CRELD1: variants seen among roughly 807,000 people sequenced by gnomAD.
CRELD1 encodes CRELD disulfide isomerase 1.
Under a neutral mutation model 58.2 loss-of-function variants are expected in CRELD1, and 42 were observed. The observed-to-expected ratio is 0.72, with a 90% CI of 0.56 to 0.93. The LOEUF (loss-of-function observed/expected upper bound fraction) is 0.93, where lower values mean the gene tolerates loss of function less well. CRELD1 is among the 40% of genes least tolerant of loss of function. CRELD1 has a pLI of 0.00. For synonymous variants in CRELD1, 222 were observed against 202.0 expected (o/e 1.10, Z -0.84); for missense variants, 500 against 540.6 (o/e 0.92, Z 0.74).
At chr3:9,934,178 T>A (rs2085091973) in intron 1 of CRELD1, 1 of 548,336 alleles carries the variant, frequency 1.8e-6, no homozygotes. Context: ...TGCCCCCTTG[T>A]CAAGGAGCGA....
chr3:9,935,455 T>C (rs1042462824), intron 3 of CRELD1, among the ~76,000 whole-genome samples: 1 of 152,204 alleles, frequency 6.6e-6, no homozygotes, highest in Admixed American at 6.5e-5. Flanking sequence ...CTGTCTTCTC[T>C]ACACCTTTAA....
At chr3:9,943,755 G>A in intron 10 of CRELD1, 1 of 1,587,976 alleles carries the variant, frequency 6.3e-7, no homozygotes, top group Non-Finnish European at 8.6e-7. Context: ...TCCTTAACCT[G>A]TTTCCTCATC....
At chr3:9,936,070 A>G (rs1397996388) in intron 3 of CRELD1, 1 of 152,230 alleles carries the variant, frequency 6.6e-6, no homozygotes, top group South Asian at 2.1e-4. Context: ...CCAGCTTTTC[A>G]AAGTCAGATG....
chr3:9,934,787 G>A (rs1559334018), intron 2 of CRELD1, 48 bp from the exon 3 acceptor site: 1 of 1,563,854 alleles, frequency 6.4e-7, no homozygotes, highest in South Asian at 1.1e-5. Context: ...TGAAGTGCTA[G>A]CATGTGCCAG....
In CRELD1 at chr3:9,943,334, C is replaced by A. The variant is rs746736174; in HGVS notation, c.914-47C>A. ...AGATGGACAAGATGGAGTCAGGGTG[C>A]TGGGTGGGGGGCCCTAGCAGGACTC... is the stretch of plus-strand genomic sequence containing the variant. On this transcript the variant is annotated intron_variant, in intron 9 of 10. Transcript: ENST00000452070. The A allele has an allele frequency of 2.9e-5, 47 of 1,613,292 alleles. No homozygotes were observed. In the South Asian group the frequency reaches 3.3e-4, roughly 11 times the overall value.
intron 2 of CRELD1, 70 bp from the exon 3 acceptor site, chr3:9,934,765 T>A: frequency 6.5e-7 from 1 of 1,529,110 alleles, no homozygotes; most frequent in Non-Finnish European, 9.0e-7. Context: ...AGTTTCCTAG[T>A]CAGTAGAACA....
rs73118372 is a variant in CRELD1, at chr3:9,943,989, T to G, written c.1049-376T>G. 39 of 1,036,330 alleles carry G rather than the reference T, an allele frequency of 3.8e-5. No homozygotes were observed. In the Admixed American group the frequency reaches 6.6e-4, roughly 17 times the overall value. 64.2% of individuals were successfully genotyped at this position (1,036,330 alleles called of 1,614,324 possible). A position where few individuals can be genotyped will look rare whatever the true frequency, so the allele number is the denominator to read the frequency against. On this transcript the variant is annotated intron_variant, in intron 10 of 10. Coordinates refer to ENST00000452070, the MANE Select transcript of CRELD1 (RefSeq NM_001077415.3). ...CATCCCCACTCTACATATGTAAAAA[T>G]GAAGATGCAGAGAGATGAAGCTACT...
chr3:9,942,387 AC>A (rs1013416860), intron 7 of CRELD1, among the ~76,000 whole-genome samples: 9 of 151,966 alleles, frequency 5.9e-5, no homozygotes, highest in African/African-American at 2.2e-4. Context: ...TCATTCCAGT[AC>A]CCAGATTATT....
intron 5 of CRELD1, among the ~76,000 whole-genome samples, chr3:9,939,511 G>T (rs2085287928): frequency 6.6e-6 from 1 of 152,076 alleles, no homozygotes; most frequent in Admixed American, 6.6e-5. Flanking sequence ...CTGGGTACTT[G>T]AGATCAAGGA....
At position 9,941,116 on chromosome 3, in the gene CRELD1, T is replaced by G; in HGVS notation, c.643T>G (p.Phe215Val). The G allele has an allele frequency of 6.2e-7, 1 of 1,614,190 alleles. No homozygotes were observed. The highest frequency in any genetic ancestry group is 8.5e-7 in the Non-Finnish European group (1 of 1,180,028). The change falls in exon 7 of 11, where the codon TTT (phenylalanine) becomes GTT (valine). Residue 215 changes from phenylalanine to valine, a missense_variant. Coordinates refer to ENST00000452070, the MANE Select transcript of CRELD1 (RefSeq NM_001077415.3). ...NASHLVCSACFGPCARCSGPE... is the reference protein window; with the variant it reads ...NASHLVCSACVGPCARCSGPE... Reference sequence around the variant, plus strand: ...GCTGCCCCCATTCCACCCAGCTTGTTTTGGCCCCTGTGCCCGATGCTCAGG... The same window carrying G: ...GCTGCCCCCATTCCACCCAGCTTGTGTTGGCCCCTGTGCCCGATGCTCAGG...
rs371166779 is a variant in CRELD1 at position 9,943,032 on chromosome 3, G to C, written c.818-45G>C. 1.5e-5 allele frequency: 24 copies of C among 1,592,674 alleles called. No homozygotes were observed. In the African/African-American group the frequency reaches 2.1e-4, roughly 14 times the overall value. On this transcript the variant is annotated intron_variant, in intron 8 of 10. Transcript: ENST00000452070. ...CCGCTTCTGGAGCGTGGCTCCCCTGGGCCTAGGTGCACATCTCACCCTCAT... is the reference window on the plus strand; with the variant it reads ...CCGCTTCTGGAGCGTGGCTCCCCTGCGCCTAGGTGCACATCTCACCCTCAT...
rs2085415102 is a variant in CRELD1, at chr3:9,943,125, G to A, written c.866G>A (p.Cys289Tyr). Residue 289 changes from cysteine (C) to tyrosine (Y), a missense_variant, in exon 9 of 11, where the codon TGT (cysteine) becomes TAT (tyrosine). Coordinates refer to ENST00000452070, the MANE Select transcript of CRELD1 (RefSeq NM_001077415.3). ...TGCATGGGGGCAGGGCCAGGTCGCT[G>A]TAAGAAGTGTAGCCCTGGCTATCAG... ...LGCMGAGPGRCKKCSPGYQQV... is the reference protein window; with the variant it reads ...LGCMGAGPGRYKKCSPGYQQV... 2 of 1,613,678 alleles carry A rather than the reference G, an allele frequency of 1.2e-6. No individual in the cohort carries two copies. The highest frequency in any genetic ancestry group is 1.7e-6 in the Non-Finnish European group (2 of 1,180,028).
In CRELD1 at chr3:9,940,906, G is replaced by A. The variant is rs770381854; in HGVS notation, c.517G>A (p.Gly173Arg). 6.2e-7 allele frequency: 1 copy of A among 1,614,100 alleles called. No individual in the cohort carries two copies. Among genetic ancestry groups the A allele is most frequent in the South Asian group, 1.1e-5 (1 of 91,078 alleles). ...CGGYGQCEGE[G>R]TRGGSGHCDC... ...TGGCTACGGGCAGTGTGAAGGAGAA[G>A]GGACACGAGGGGGCAGCGGGCACTG... Residue 173 changes from glycine to arginine, a missense_variant, in exon 6 of 11, where the codon GGG becomes AGG. By Grantham distance (125) the Gly-to-Arg change is moderately radical (BLOSUM62 -2). Transcript: ENST00000452070.
Position 9,940,926 on chromosome 3 carries a change from G to A in CRELD1, c.537G>A (p.Gly179=), listed in dbSNP as rs373910102. 3 of 1,614,004 alleles carry A rather than the reference G, an allele frequency of 1.9e-6. No individual in the cohort carries two copies. The highest frequency in any genetic ancestry group is 2.5e-6 in the Non-Finnish European group (3 of 1,180,014). The part of the protein sequence containing the change: ...CEGEGTRGGS[G]HCDCQAGYGG... ...GAGAAGGGACACGAGGGGGCAGCGG[G>A]CACTGTGACTGCCAAGCCGGCTACG... Residue 179 remains glycine (G), a synonymous_variant, in exon 6 of 11, where the codon GGG becomes GGA. Coordinates refer to ENST00000452070, the MANE Select transcript of CRELD1 (RefSeq NM_001077415.3).
At chr3:9,936,495 G>A (rs1407142525) in intron 3 of CRELD1, among the ~76,000 whole-genome samples, 1 of 151,600 alleles carries the variant, frequency 6.6e-6, no homozygotes, top group African/African-American at 2.4e-5. Context: ...ATATATATGT[G>A]TGTGTATATA....
chr3:9,943,628 G>A, intron 10 of CRELD1, 113 bp downstream of exon 10: 1 of 1,586,314 alleles, frequency 6.3e-7, no homozygotes, highest in Middle Eastern at 2.1e-4. Context: ...CTGCCACCCA[G>A]CCCCCTGGAG....
In CRELD1 at chr3:9,941,121, C is replaced by T. The variant is rs2085354626; in HGVS notation, c.648C>T (p.Gly216=). 1.2e-6 allele frequency: 2 copies of T among 1,614,218 alleles called. No individual in the cohort carries two copies. The highest frequency in any genetic ancestry group is 1.7e-6 in the Non-Finnish European group (2 of 1,180,038). ...ASHLVCSACF[G]PCARCSGPEE... The stretch of plus-strand genomic sequence containing the variant: ...CCCCATTCCACCCAGCTTGTTTTGG[C>T]CCCTGTGCCCGATGCTCAGGACCTG... The change falls in exon 7 of 11, where the codon GGC becomes GGT. Residue 216 remains glycine, a synonymous_variant. Transcript: ENST00000452070.
rs2125329907 is a variant in CRELD1 at position 9,934,864 on chromosome 3, T to G, written c.204T>G (p.Phe68Leu). Residue 68 changes from phenylalanine (F) to leucine (L), a missense_variant, in exon 3 of 11, where the codon TTT (phenylalanine) becomes TTG (leucine). Transcript: ENST00000452070. Reference sequence around the variant, plus strand: ...TGGAGAGAACCATCCGGGACAACTTTGGAGGTGGAAACACTGCCTGGGAGG... The same window carrying G: ...TGGAGAGAACCATCCGGGACAACTTGGGAGGTGGAAACACTGCCTGGGAGG... ...KGLERTIRDN[F>L]GGGNTAWEEE... is the part of the protein sequence containing the mutation. The G allele has an allele frequency of 6.2e-7, 1 of 1,613,202 alleles. No individual in the cohort carries two copies. Among genetic ancestry groups the G allele is most frequent in the East Asian group, 2.2e-5 (1 of 44,874 alleles).
rs186588982 is a variant in CRELD1, at chr3:9,938,737, C to A, written c.460+631C>A. ...TAGCCGGGCATGGTGGCGGGCGCCT[C>A]TAGTCCCAGCTACTCTGGAGGCTGA... On this transcript the variant is annotated intron_variant, in intron 5 of 10. Transcript: ENST00000452070. 5.5e-4 allele frequency among the ~76,000 whole-genome samples: 83 copies of A among 152,066 alleles called. 1 individual carries two copies. Among genetic ancestry groups the A allele is most frequent in the African/African-American group, 1.9e-3 (80 of 41,498 alleles).
Sources: gnomAD v4.1 joint callset for allele counts (sites outside exome capture counted in the v4.1 genomes callset) on GRCh38, gnomAD v4.1.1 for gene constraint, MANE v1.5 for transcripts, NCBI Gene and HGNC (gene_info 2026-07-23, HGNC 2026-07-21) for gene names.